The following ADIPOR2 variants were observed in gnomAD, a reference collection of about 807,000 sequenced individuals.
The protein encoded by ADIPOR2 is adiponectin receptor protein 2.
ADIPOR2 carries 18 observed loss-of-function variants against 40.9 expected under a neutral mutation model. That is an observed-to-expected ratio of 0.44 (90% CI 0.30 to 0.65). The LOEUF (loss-of-function observed/expected upper bound fraction) is 0.65. Among genes scored for constraint, ADIPOR2 ranks in the 30% least tolerant of loss-of-function variants. The probability of loss-of-function intolerance (pLI) is 0.09; values close to 1 mark genes in which losing one functional copy is unlikely to be tolerated. For synonymous variants in ADIPOR2, 165 were observed against 166.4 expected, an observed-to-expected ratio of 0.99 and a Z score of 0.06; for missense variants, 283 against 479.2, an observed-to-expected ratio of 0.59 and a Z score of 3.82.
Position 1,716,190 on chromosome 12 carries a change from T to C in ADIPOR2, c.-87+24999T>C, listed in dbSNP as rs146273548. On this transcript the variant is annotated intron_variant, in intron 1 of 7. Transcript: ENST00000357103. ...ATTGTTCTTTTGGTTTTGACGACTT[T>C]ACTATGTGCAGTTAGCATTGCTGAA... Among the ~76,000 whole-genome samples the C allele has an allele frequency of 7.9e-3, 1,210 of 152,324 alleles. 24 individuals carry two copies. The highest frequency in any genetic ancestry group is 0.011 in the Admixed American group (174 of 15,302).
chr12:1,787,763 A>G lies in ADIPOR2; in HGVS notation c.*1691A>G, dbSNP rs751947338. 3 of 152,260 alleles carry G rather than the reference A, an allele frequency of 2.0e-5. No individual in the cohort carries two copies. Among genetic ancestry groups the G allele is most frequent in the Non-Finnish European group, 4.4e-5 (3 of 68,054 alleles). 9.4% of individuals were successfully genotyped at this position (152,260 alleles called of 1,614,324 possible). A position where few individuals can be genotyped will look rare whatever the true frequency, so the allele number is the denominator to read the frequency against. On this transcript the variant is annotated 3_prime_UTR_variant, in exon 8 of 8. Transcript: ENST00000357103. ...ATGGGAAGGGTCTCCTATTTATTCA[A>G]TAGAGTTTTCTCAGTTATTTTCCTC... is the stretch of plus-strand genomic sequence containing the variant.
chr12:1,713,694 A>G (rs760019013), intron 1 of ADIPOR2, among the ~76,000 whole-genome samples: 1 of 152,126 alleles, frequency 6.6e-6, no homozygotes, highest in Non-Finnish European at 1.5e-5. Context: ...ACTTTCAGGC[A>G]TAACAAGAAA....
At chr12:1,733,231 A>G (rs539292333) in intron 1 of ADIPOR2, among the ~76,000 whole-genome samples, 1 of 152,322 alleles carries the variant, frequency 6.6e-6, no homozygotes, top group African/African-American at 2.4e-5. Flanking sequence ...TGATTACTTC[A>G]GAACTTTATG....
chr12:1,699,480 CAAAA>C (rs1228114801), intron 1 of ADIPOR2, among the ~76,000 whole-genome samples: 2 of 151,552 alleles, frequency 1.3e-5, no homozygotes, highest in Non-Finnish European at 2.9e-5. Flanking sequence ...CAAAACAAAA[CAAAA>C]AAAACCAAAA....
chr12:1,757,449 G>C, intron 2 of ADIPOR2: 2 of 725,636 alleles, frequency 2.8e-6, no homozygotes, highest in Non-Finnish European at 5.1e-6. Context: ...TATCACACCA[G>C]TTCTTCCCAG....
intron 1 of ADIPOR2, among the ~76,000 whole-genome samples, chr12:1,731,993 G>A (rs2094721487): frequency 1.5e-5 from 1 of 65,530 alleles, no homozygotes; most frequent in Non-Finnish European, 3.7e-5. Flanking sequence ...AAAACACCAA[G>A]TTTATTTAAA....
intron 1 of ADIPOR2, among the ~76,000 whole-genome samples, chr12:1,735,638 T>C (rs1460120095): frequency 6.6e-6 from 1 of 152,192 alleles, no homozygotes; most frequent in East Asian, 1.9e-4. Flanking sequence ...CTATGTTGAA[T>C]AGGAGTGGTG....
chr12:1,701,913 G>C lies in ADIPOR2; in HGVS notation c.-87+10722G>C, dbSNP rs186133499. 5.3e-5 allele frequency among the ~76,000 whole-genome samples: 8 copies of C among 152,238 alleles called. 1 individual carries two copies. The East Asian group carries it at 1.5e-3, about 29-fold the overall frequency. On this transcript the variant is annotated intron_variant, in intron 1 of 7. Transcript: ENST00000357103. ...GAGGTGGGCGGATCACCTGAGGTCA[G>C]GAGTTTGAGACCAGCCTGACCAACA...
At chr12:1,692,644 G>GTT (rs371965934) in intron 1 of ADIPOR2, among the ~76,000 whole-genome samples, 2 of 142,116 alleles carry the variant, frequency 1.4e-5, no homozygotes, top group African/African-American at 5.2e-5. Context: ...AAGAGAGTTT[G>GTT]TTTTTTTTTT....
chr12:1,782,830 G>A (rs1862743840), intron 6 of ADIPOR2, among the ~76,000 whole-genome samples: 1 of 151,958 alleles, frequency 6.6e-6, no homozygotes, highest in Admixed American at 6.5e-5. Flanking sequence ...GGGTCTGGGA[G>A]CTTATAGTAT....
intron 1 of ADIPOR2, among the ~76,000 whole-genome samples, chr12:1,699,018 C>T (rs1378544136): frequency 6.6e-6 from 1 of 152,158 alleles, no homozygotes; most frequent in African/African-American, 2.4e-5. Context: ...CCCGGGCCTC[C>T]CTTAGGTGGA....
intron 1 of ADIPOR2, among the ~76,000 whole-genome samples, chr12:1,712,843 A>C (rs2094680340): frequency 2.6e-5 from 4 of 152,122 alleles, no homozygotes; most frequent in African/African-American, 9.7e-5. Context: ...TTTCTTGCTG[A>C]GGGCCCTGGT....
At chr12:1,737,344 TG>T (rs1431763061) in intron 1 of ADIPOR2, among the ~76,000 whole-genome samples, 5 of 135,728 alleles carry the variant, frequency 3.7e-5, no homozygotes, top group African/African-American at 7.7e-5. Context: ...TTTTTGTTGT[TG>T]TTTTTTTTCT....
chr12:1,709,026 T>G (rs2094669945), intron 1 of ADIPOR2, among the ~76,000 whole-genome samples: 1 of 152,168 alleles, frequency 6.6e-6, no homozygotes, highest in South Asian at 2.1e-4. Context: ...GCCCTGCATA[T>G]CTATACTTAT....
intron 1 of ADIPOR2, among the ~76,000 whole-genome samples, chr12:1,747,688 T>C (rs955509181): frequency 1.3e-5 from 2 of 151,714 alleles, no homozygotes; most frequent in Admixed American, 6.5e-5. Context: ...TTGCTAGATA[T>C]AAGATTGGTT....
chr12:1,745,697 A>G (rs1032885377), intron 1 of ADIPOR2, among the ~76,000 whole-genome samples: 1 of 152,220 alleles, frequency 6.6e-6, no homozygotes, highest in African/African-American at 2.4e-5. Flanking sequence ...TGATTTTACC[A>G]TTCTTCCACT....
intron 1 of ADIPOR2, among the ~76,000 whole-genome samples, chr12:1,698,372 G>A (rs2094643617): frequency 6.6e-6 from 1 of 152,066 alleles, no homozygotes; most frequent in Non-Finnish European, 1.5e-5. Context: ...TGGGACTATA[G>A]ATGCACGCCA....
In ADIPOR2 at chr12:1,781,080, A is replaced by G; in HGVS notation, c.838+4A>G. 1 of 1,587,688 alleles carries G rather than the reference A, an allele frequency of 6.3e-7. No homozygotes were observed. Among genetic ancestry groups the G allele is most frequent in the Non-Finnish European group, 8.6e-7 (1 of 1,169,186 alleles). ...CAGTATCGGGGAGTAAGAGCAGGTA[A>G]GAGCACGGGGAGGTTCTACATTCGA... is the stretch of plus-strand genomic sequence containing the variant. On this transcript the variant is annotated splice_donor_region_variant and intron_variant, in intron 6 of 7. Coordinates refer to ENST00000357103, the MANE Select transcript of ADIPOR2 (RefSeq NM_024551.3).
rs1370654431 is a variant in ADIPOR2, at chr12:1,780,920, A to T, written c.682A>T (p.Met228Leu). Reference protein sequence around the residue: ...LDYSGIALLIMGSFVPWLYYS... With the variant: ...LDYSGIALLILGSFVPWLYYS... ...TTACTCTGGTATTGCTCTTCTGATT[A>T]TGGGAAGTTTTGTTCCTTGGCTTTA... Residue 228 changes from methionine to leucine, a missense_variant, in exon 6 of 8, where the codon ATG becomes TTG. This residue lies in a region of ADIPOR2 where 112 missense variants were observed against 249.5 expected (regional missense o/e 0.45). Coordinates refer to ENST00000357103, the MANE Select transcript of ADIPOR2 (RefSeq NM_024551.3). The T allele has an allele frequency of 6.2e-7, 1 of 1,611,900 alleles. No individual in the cohort carries two copies. The highest frequency in any genetic ancestry group is 1.7e-4 in the Middle Eastern group (1 of 6,046).
Sources: gnomAD v4.1 joint callset for allele counts (sites outside exome capture counted in the v4.1 genomes callset) on GRCh38, gnomAD v4.1.1 for gene constraint, gnomAD v4.1.1 regional missense constraint, MANE v1.5 for transcripts, NCBI Gene and HGNC (gene_info 2026-07-23, HGNC 2026-07-21) for gene names.